Variants in CHN2 observed in about 807,000 individuals in gnomAD.
CHN2 encodes the protein chimerin 2.
A neutral mutation model predicts 56.3 loss-of-function variants in CHN2; 35 were observed. That is an observed-to-expected ratio of 0.62 (90% CI 0.47 to 0.82). CHN2 has a LOEUF of 0.82. CHN2 is among the 40% of genes least tolerant of loss of function. The pLI is 0.00. For missense variants in CHN2, 491 were observed against 580.5 expected, an observed-to-expected ratio of 0.85 and a Z score of 1.58; for synonymous variants, 210 against 212.8, an observed-to-expected ratio of 0.99 and a Z score of 0.12.
At chr7:29,179,980 T>G (rs1797858220) in intron 2 of CHN2, among the ~76,000 whole-genome samples, 2 of 152,230 alleles carry the variant, frequency 1.3e-5, no homozygotes, top group African/African-American at 4.8e-5. Context: ...GTCTTGTATT[T>G]TCAAATGATT....
chr7:29,413,521 A>C (rs987884617), intron 6 of CHN2, among the ~76,000 whole-genome samples: 3 of 152,248 alleles, frequency 2.0e-5, no homozygotes, highest in African/African-American at 7.2e-5. Context: ...CCTAGAAAGA[A>C]CATTACATGT....
chr7:29,174,894 C>G (rs1797083305), intron 2 of CHN2, among the ~76,000 whole-genome samples: 1 of 148,964 alleles, frequency 6.7e-6, no homozygotes, highest in Non-Finnish European at 1.5e-5. Flanking sequence ...TAGAGAGATA[C>G]AGGAACAAGA....
intron 1 of CHN2, among the ~76,000 whole-genome samples, chr7:29,351,024 C>T (rs1797835905): frequency 6.9e-6 from 1 of 144,500 alleles, no homozygotes; most frequent in Non-Finnish European, 1.5e-5. Flanking sequence ...AGGAGAATCA[C>T]TTGAACCTGG....
intron 6 of CHN2, among the ~76,000 whole-genome samples, chr7:29,473,942 A>G (rs1786371568): frequency 1.3e-5 from 2 of 152,100 alleles, no homozygotes; most frequent in Non-Finnish European, 2.9e-5. Context: ...TATATAATGG[A>G]ATAAGAACAT....
intron 1 of CHN2, among the ~76,000 whole-genome samples, chr7:29,311,587 G>C (rs116644014): frequency 0.013 from 1,988 of 152,340 alleles, 54 homozygotes; most frequent in African/African-American, 0.045. Context: ...TTCAAACACA[G>C]GCAGTGTGGC....
At chr7:29,175,198 G>C (rs921238208) in intron 2 of CHN2, among the ~76,000 whole-genome samples, 8 of 149,726 alleles carry the variant, frequency 5.3e-5, no homozygotes, top group Non-Finnish European at 1.5e-5. Flanking sequence ...TTTTTGAGAC[G>C]GGGCCTCTCT....
At chr7:29,446,004 C>T (rs1378255382) in intron 6 of CHN2, among the ~76,000 whole-genome samples, 1 of 152,036 alleles carries the variant, frequency 6.6e-6, no homozygotes, top group Non-Finnish European at 1.5e-5. Context: ...TGGTTCTCAG[C>T]CTTGGAGGCA....
intron 6 of CHN2, among the ~76,000 whole-genome samples, chr7:29,451,170 A>G (rs1259409918): frequency 1.3e-5 from 2 of 152,230 alleles, no homozygotes; most frequent in Non-Finnish European, 2.9e-5. Flanking sequence ...AAGTAAGAAC[A>G]GATGGTAAAT....
chr7:29,339,388 G>GT (rs1364759055), intron 1 of CHN2, among the ~76,000 whole-genome samples: 1 of 152,092 alleles, frequency 6.6e-6, no homozygotes, highest in Non-Finnish European at 1.5e-5. Flanking sequence ...TTCCAGACCT[G>GT]TTTCATGCAC....
At chr7:29,293,743 C>T (rs1410024718) in intron 1 of CHN2, among the ~76,000 whole-genome samples, 3 of 152,118 alleles carry the variant, frequency 2.0e-5, no homozygotes, top group Non-Finnish European at 4.4e-5. Flanking sequence ...TACCTGCGCT[C>T]CTTTCCCACA....
At chr7:29,270,449 G>A (rs1790525381) in intron 1 of CHN2, among the ~76,000 whole-genome samples, 1 of 143,252 alleles carries the variant, frequency 7.0e-6, no homozygotes, top group African/African-American at 2.6e-5. Flanking sequence ...GAGGCCAGGA[G>A]TTCAAGACCA....
chr7:29,355,911 G>A (rs544878697), intron 2 of CHN2, among the ~76,000 whole-genome samples: 11 of 147,308 alleles, frequency 7.5e-5, no homozygotes, highest in Non-Finnish European at 1.3e-4. Context: ...AGCCTCCCAA[G>A]TACCTGGGAC....
chr7:29,182,093 C>T (rs1798132800), intron 2 of CHN2, among the ~76,000 whole-genome samples: 1 of 152,140 alleles, frequency 6.6e-6, no homozygotes, highest in African/African-American at 2.4e-5. Flanking sequence ...AGACAATATT[C>T]CTTTTGCAAA....
intron 1 of CHN2, chr7:29,212,812 A>G: frequency 6.2e-7 from 1 of 1,607,476 alleles, no homozygotes. Flanking sequence ...AGGCCTCAGC[A>G]CCTACCTACC....
intron 1 of CHN2, among the ~76,000 whole-genome samples, chr7:29,302,282 T>TCTTCTTCTTCCTCC (rs1562902339): frequency 2.3e-5 from 2 of 86,692 alleles, no homozygotes; most frequent in African/African-American, 4.8e-5. Context: ...CTTCCTCCTC[T>TCTTCTTCTTCCTCC]TCTTCTTCCT....
At chr7:29,349,947 C>G (rs1180718145) in intron 1 of CHN2, among the ~76,000 whole-genome samples, 1 of 152,210 alleles carries the variant, frequency 6.6e-6, no homozygotes, top group Non-Finnish European at 1.5e-5. Flanking sequence ...ATCTCCTGGA[C>G]TTTATGCAAT....
chr7:29,156,264 A>G (rs1794358864), intron 2 of CHN2, among the ~76,000 whole-genome samples: 1 of 152,220 alleles, frequency 6.6e-6, no homozygotes, highest in Admixed American at 6.5e-5. Context: ...TTGCAAAGTA[A>G]TTACATCTTA....
intron 1 of CHN2, among the ~76,000 whole-genome samples, chr7:29,228,406 T>C (rs778218463): frequency 6.6e-5 from 10 of 152,210 alleles, no homozygotes; most frequent in Non-Finnish European, 1.3e-4. Context: ...TACAGGTTTG[T>C]AGCCTAGGAG....
chr7:29,501,700 A>G (rs1342241829), intron 9 of CHN2, among the ~76,000 whole-genome samples: 1 of 152,126 alleles, frequency 6.6e-6, no homozygotes, highest in Non-Finnish European at 1.5e-5. Context: ...TGCAAGCAGA[A>G]CCAGAGAATG....
Sources: gnomAD v4.1 joint callset for allele counts (sites outside exome capture counted in the v4.1 genomes callset) on GRCh38, gnomAD v4.1.1 for gene constraint, MANE v1.5 for transcripts, NCBI Gene and HGNC (gene_info 2026-07-23, HGNC 2026-07-21) for gene names.